Variants in AGBL4 observed in about 807,000 individuals in gnomAD.
The protein encoded by AGBL4 is cytosolic carboxypeptidase 6.
In AGBL4, 58 loss-of-function variants were observed where a neutral mutation model predicts 66.4. The observed-to-expected ratio is 0.87, with a 90% CI of 0.71 to 1.09. The LOEUF (loss-of-function observed/expected upper bound fraction) is 1.09. Ranked by LOEUF, AGBL4 falls within the 50% of genes least tolerant of loss-of-function variation. The pLI is 0.00. For synonymous variants in AGBL4, 234 were observed against 222.9 expected, an observed-to-expected ratio of 1.05 and a Z score of -0.44; for missense variants, 579 against 631.0, an observed-to-expected ratio of 0.92 and a Z score of 0.88.
chr1:49,949,066 A>G (rs1317447906), intron 1 of AGBL4, among the ~76,000 whole-genome samples: 2 of 151,552 alleles, frequency 1.3e-5, no homozygotes, highest in Non-Finnish European at 3.0e-5. Flanking sequence ...ATCTTTGACA[A>G]AGCAGACAAA....
intron 6 of AGBL4, among the ~76,000 whole-genome samples, chr1:48,850,233 C>T (rs182448244): frequency 7.3e-4 from 111 of 152,314 alleles, no homozygotes; most frequent in African/African-American, 2.6e-3. Flanking sequence ...ATCTGCTTGG[C>T]TCTAGGCCCC....
chr1:49,666,059 A>G (rs1260968961), intron 3 of AGBL4, among the ~76,000 whole-genome samples: 5 of 151,692 alleles, frequency 3.3e-5, no homozygotes, highest in Non-Finnish European at 7.4e-5. Context: ...AACACCTGGC[A>G]TCAAGCAATC....
At chr1:49,935,469 T>C (rs1325049073) in intron 1 of AGBL4, among the ~76,000 whole-genome samples, 1 of 152,140 alleles carries the variant, frequency 6.6e-6, no homozygotes, top group Non-Finnish European at 1.5e-5. Flanking sequence ...TCTGACAGCT[T>C]TGAAGAGAGC....
At chr1:49,988,063 A>G (rs6685494) in intron 1 of AGBL4, among the ~76,000 whole-genome samples, 144,600 of 152,054 alleles carry the variant, frequency 0.95, 69,133 homozygotes, top group East Asian at 1. Context: ...GACAAAAAGT[A>G]TAATCCTTTG....
chr1:49,316,721 A>G (rs1253384592), intron 3 of AGBL4, among the ~76,000 whole-genome samples: 1 of 152,042 alleles, frequency 6.6e-6, no homozygotes, highest in East Asian at 1.9e-4. Context: ...CATTTTATTT[A>G]CATGTCTCAA....
At chr1:49,077,089 T>C (rs1487677154) in intron 4 of AGBL4, among the ~76,000 whole-genome samples, 2 of 118,102 alleles carry the variant, frequency 1.7e-5, no homozygotes, top group Non-Finnish European at 4.4e-5. Context: ...AGTGAACTTC[T>C]GTGTGCGTGT....
At chr1:48,642,128 A>G (rs1022805304) in intron 8 of AGBL4, among the ~76,000 whole-genome samples, 2 of 152,090 alleles carry the variant, frequency 1.3e-5, no homozygotes, top group Non-Finnish European at 1.5e-5. Flanking sequence ...CCCCTTGACC[A>G]CTGAACATTT....
chr1:49,773,795 C>A (rs1644125890), intron 2 of AGBL4, among the ~76,000 whole-genome samples: 2 of 152,168 alleles, frequency 1.3e-5, no homozygotes, highest in Admixed American at 1.3e-4. Flanking sequence ...GTCCAGTTCT[C>A]AAGCCAAGAA....
chr1:49,948,207 T>A (rs1190963841), intron 1 of AGBL4, among the ~76,000 whole-genome samples: 3 of 63,626 alleles, frequency 4.7e-5, no homozygotes, highest in Admixed American at 2.7e-4. Context: ...TAAATATAAA[T>A]ATATAAATAT....
At chr1:48,638,957 T>A (rs571630955) in intron 8 of AGBL4, among the ~76,000 whole-genome samples, 1 of 152,268 alleles carries the variant, frequency 6.6e-6, no homozygotes, top group South Asian at 2.1e-4. Flanking sequence ...CGAGGCTACA[T>A]AACAAGTACT....
intron 8 of AGBL4, among the ~76,000 whole-genome samples, chr1:48,649,963 C>T (rs778972658): frequency 1.3e-5 from 2 of 152,194 alleles, no homozygotes; most frequent in Non-Finnish European, 2.9e-5. Context: ...AGCAAGTAGG[C>T]GGTAGAGCAG....
chr1:49,724,169 AC>A (rs1277451253), intron 2 of AGBL4, among the ~76,000 whole-genome samples: 2 of 152,172 alleles, frequency 1.3e-5, no homozygotes, highest in East Asian at 1.9e-4. Context: ...TACTTCAAGA[AC>A]AAAATCCCAC....
chr1:49,335,651 G>C (rs1479059177), intron 3 of AGBL4, among the ~76,000 whole-genome samples: 2 of 151,988 alleles, frequency 1.3e-5, no homozygotes, highest in African/African-American at 4.8e-5. Flanking sequence ...GAGTAGCTGG[G>C]ACTACAGGCA....
At chr1:49,292,455 T>C (rs1644558866) in intron 3 of AGBL4, among the ~76,000 whole-genome samples, 1 of 152,206 alleles carries the variant, frequency 6.6e-6, no homozygotes, top group African/African-American at 2.4e-5. Context: ...GTCCCTTTTC[T>C]GGACCCACCC....
intron 3 of AGBL4, among the ~76,000 whole-genome samples, chr1:49,587,636 A>G (rs1349972456): frequency 6.6e-6 from 1 of 152,178 alleles, no homozygotes; most frequent in Non-Finnish European, 1.5e-5. Context: ...AAGAGTAAAT[A>G]TCAGAATTGA....
rs564137863 is a variant in AGBL4 at position 49,921,152 on chromosome 1, A to G, written c.35-69634T>C. Among the ~76,000 whole-genome samples the G allele has an allele frequency of 5.9e-5, 9 of 152,288 alleles. No individual in the cohort carries two copies. The East Asian group carries it at 7.7e-4, about 13-fold the overall frequency. ...TATACCTAACGTAAATGATGAGTTA[A>G]TGGGTGCAGCACACCAACATGGCAC... On this transcript the variant is annotated intron_variant, in intron 1 of 13. Coordinates refer to ENST00000371839, the MANE Select transcript of AGBL4 (RefSeq NM_032785.4).
intron 1 of AGBL4, 79 bp from the exon 2 acceptor site, chr1:49,851,597 C>T (rs1646308040): frequency 7.1e-7 from 1 of 1,410,328 alleles, no homozygotes; most frequent in African/African-American, 1.4e-5. Flanking sequence ...TTAATTACCC[C>T]TTCCCTAGTC....
intron 2 of AGBL4, among the ~76,000 whole-genome samples, chr1:49,796,550 C>A (rs1249230449): frequency 3.3e-5 from 5 of 150,802 alleles, no homozygotes; most frequent in African/African-American, 1.2e-4. Context: ...TTAAAATTAT[C>A]TTTTTAAAAT....
intron 3 of AGBL4, among the ~76,000 whole-genome samples, chr1:49,626,568 G>A (rs1444684905): frequency 6.6e-6 from 1 of 152,088 alleles, no homozygotes; most frequent in Non-Finnish European, 1.5e-5. Context: ...AGTGCCTTGT[G>A]CCTACTCCAT....
Sources: allele counts gnomAD v4.1 joint callset (sites outside exome capture counted in the v4.1 genomes callset), GRCh38; gene constraint gnomAD v4.1.1; transcripts MANE v1.5; gene names NCBI Gene and HGNC (gene_info 2026-07-23, HGNC 2026-07-21).